Variants in PTP4A3 observed in about 807,000 individuals in gnomAD.
The protein encoded by PTP4A3 is protein tyrosine phosphatase 4A3.
In PTP4A3, 9 loss-of-function variants were observed where a neutral mutation model predicts 15.2. That is an observed-to-expected ratio of 0.59 (90% CI 0.36 to 1.03). The LOEUF (loss-of-function observed/expected upper bound fraction) is 1.03. PTP4A3 is among the 50% of genes least tolerant of loss of function. The pLI, the probability that PTP4A3 is intolerant of heterozygous loss-of-function variation, is 0.02. For synonymous variants in PTP4A3, 95 were observed against 102.0 expected (o/e 0.93, Z 0.41); for missense variants, 234 against 252.1 (o/e 0.93, Z 0.49).
At position 141,430,922 on chromosome 8, in the gene PTP4A3, C is replaced by T. The variant is rs374344486; in HGVS notation, c.405-5C>T. On this transcript the variant is annotated splice_region_variant and splice_polypyrimidine_tract_variant and intron_variant, in intron 5 of 5. Coordinates refer to ENST00000521578, the MANE Select transcript of PTP4A3 (RefSeq NM_032611.3). ...TGATCTCTGTTCCTGTTCCCCTCTTCCCAGGAAGCGCCGCGGAGCCATCAA... is the reference window on the plus strand; with the variant it reads ...TGATCTCTGTTCCTGTTCCCCTCTTTCCAGGAAGCGCCGCGGAGCCATCAA... 10 of 1,612,774 alleles carry T rather than the reference C, an allele frequency of 6.2e-6. No individual in the cohort carries two copies. Among genetic ancestry groups the T allele is most frequent in the South Asian group, 3.3e-5 (3 of 91,092 alleles).
chr8:141,402,964 T>C (rs955438013), intron 1 of PTP4A3, among the ~76,000 whole-genome samples: 6 of 152,050 alleles, frequency 3.9e-5, no homozygotes, highest in African/African-American at 1.4e-4. Context: ...AGAGCAGGAA[T>C]AGATGTCTCA....
In PTP4A3 at chr8:141,417,193, G is replaced by C. The variant is rs540467077; in HGVS notation, c.-853-4195G>C. Among the ~76,000 whole-genome samples, 3 of 152,308 alleles carry C rather than the reference G, an allele frequency of 2.0e-5. No individual in the cohort carries two copies. In the East Asian group the frequency reaches 5.8e-4, roughly 29 times the overall value. On this transcript the variant is annotated intron_variant, in intron 1 of 5. Transcript: ENST00000521578. ...GGGGGCATCAGTGCCGAGCCTCAGAGTTTGTGGAGCCCGCCGCCTGGCTGA... is the reference window on the plus strand; with the variant it reads ...GGGGGCATCAGTGCCGAGCCTCAGACTTTGTGGAGCCCGCCGCCTGGCTGA...
At chr8:141,420,841 C>T (rs540327069) in intron 1 of PTP4A3, among the ~76,000 whole-genome samples, 2 of 152,250 alleles carry the variant, frequency 1.3e-5, no homozygotes, top group African/African-American at 2.4e-5. Flanking sequence ...CCAGGCCCCT[C>T]ACCTCCCTGT....
chr8:141,402,270 A>G (rs1164560560), intron 1 of PTP4A3, among the ~76,000 whole-genome samples: 1 of 152,152 alleles, frequency 6.6e-6, no homozygotes, highest in Non-Finnish European at 1.5e-5. Context: ...GTGGCCCTGC[A>G]GAACCCCTCT....
rs551462739 is a variant in PTP4A3, at chr8:141,412,041, C to T, written c.-853-9347C>T. Among the ~76,000 whole-genome samples, 37 of 152,012 alleles carry T rather than the reference C, an allele frequency of 2.4e-4. No homozygotes were observed. In the South Asian group the frequency reaches 6.5e-3, roughly 27 times the overall value. On this transcript the variant is annotated intron_variant, in intron 1 of 5. Transcript: ENST00000521578. ...CATTGCCTGTGCTGAGGGCACCACG[C>T]GAGGCCACTACACAGAGGGGTTCTT... is the stretch of plus-strand genomic sequence containing the variant.
chr8:141,426,439 C>T, intron 3 of PTP4A3: 4 of 985,416 alleles, frequency 4.1e-6, no homozygotes, highest in Non-Finnish European at 4.8e-6. Context: ...AATGTGGGCC[C>T]TGTCTCGCCC....
intron 1 of PTP4A3, among the ~76,000 whole-genome samples, 157 bp downstream of exon 1, chr8:141,392,241 G>T (rs2129732272): frequency 6.6e-6 from 1 of 151,686 alleles, no homozygotes; most frequent in East Asian, 1.9e-4. Context: ...CGCGCGTCCC[G>T]GGACCCTGCG....
At chr8:141,393,928 A>T (rs1054016599) in intron 1 of PTP4A3, among the ~76,000 whole-genome samples, 2 of 152,230 alleles carry the variant, frequency 1.3e-5, no homozygotes, top group African/African-American at 4.8e-5. Flanking sequence ...CAGATGCTTA[A>T]CCAAATCCTG....
chr8:141,417,929 CGGCGGAGG>C (rs1554619190), intron 1 of PTP4A3, among the ~76,000 whole-genome samples: 2 of 151,832 alleles, frequency 1.3e-5, no homozygotes, highest in Non-Finnish European at 2.9e-5. Context: ...GCCGGCTCCG[CGGCGGAGG>C]GGCGGCGCCC....
chr8:141,420,854 T>G (rs1833297654), intron 1 of PTP4A3, among the ~76,000 whole-genome samples: 1 of 151,432 alleles, frequency 6.6e-6, no homozygotes, highest in Admixed American at 6.6e-5. Context: ...CTCCCTGTGC[T>G]GGCAGCACTG....
At chr8:141,392,896 G>A (rs1300966387) in intron 1 of PTP4A3, among the ~76,000 whole-genome samples, 1 of 152,138 alleles carries the variant, frequency 6.6e-6, no homozygotes, top group African/African-American at 2.4e-5. Flanking sequence ...CACAGTGTGT[G>A]CCCGGGCACC....
chr8:141,418,962 C>A (rs543556335), intron 1 of PTP4A3, among the ~76,000 whole-genome samples: 1 of 152,218 alleles, frequency 6.6e-6, no homozygotes, highest in Non-Finnish European at 1.5e-5. Context: ...TTTGCTCTCA[C>A]CTGGGGCAGG....
chr8:141,426,560 C>T, intron 3 of PTP4A3: 1 of 985,418 alleles, frequency 1.0e-6, no homozygotes, highest in Non-Finnish European at 1.2e-6. Flanking sequence ...CGACCCAAAA[C>T]CTCTCAGGCT....
chr8:141,396,754 C>T (rs1446592572), intron 1 of PTP4A3, among the ~76,000 whole-genome samples: 1 of 152,200 alleles, frequency 6.6e-6, no homozygotes, highest in Non-Finnish European at 1.5e-5. Context: ...TTGGTCATGT[C>T]ACCTTCTGAG....
intron 1 of PTP4A3, among the ~76,000 whole-genome samples, chr8:141,401,170 T>C (rs1177830069): frequency 2.0e-5 from 3 of 152,158 alleles, no homozygotes; most frequent in Non-Finnish European, 4.4e-5. Context: ...TCGTCCTGTT[T>C]CCCAGGGAGG....
chr8:141,414,755 G>C (rs74655949), intron 1 of PTP4A3, among the ~76,000 whole-genome samples: 2,976 of 152,018 alleles, frequency 0.02, 107 homozygotes, highest in African/African-American at 0.068. Flanking sequence ...ACTTCTTAGT[G>C]ACCGCTCTCT....
intron 5 of PTP4A3, among the ~76,000 whole-genome samples, chr8:141,428,043 C>A (rs1011314946): frequency 6.6e-6 from 1 of 151,962 alleles, no homozygotes; most frequent in South Asian, 2.1e-4. Context: ...AGGGACACAG[C>A]GAGGCCACCC....
At chr8:141,393,867 T>C (rs1401685640) in intron 1 of PTP4A3, among the ~76,000 whole-genome samples, 1 of 152,182 alleles carries the variant, frequency 6.6e-6, no homozygotes, top group Non-Finnish European at 1.5e-5. Flanking sequence ...GAGGAGGTCT[T>C]GGAGGCACCA....
intron 2 of PTP4A3, among the ~76,000 whole-genome samples, chr8:141,422,573 G>A (rs1473351642): frequency 6.6e-6 from 1 of 152,144 alleles, no homozygotes. Flanking sequence ...TCCCCTGGGA[G>A]GCCTGCAGGG....
Sources: gnomAD v4.1 joint callset for allele counts (sites outside exome capture counted in the v4.1 genomes callset) on GRCh38, gnomAD v4.1.1 for gene constraint, MANE v1.5 for transcripts, NCBI Gene and HGNC (gene_info 2026-07-23, HGNC 2026-07-21) for gene names.